The following RBFOX2 variants were observed in gnomAD, a reference collection of about 807,000 sequenced individuals.
RBFOX2 encodes RNA binding fox-1 homolog 2.
A neutral mutation model predicts 49.1 loss-of-function variants in RBFOX2; 10 were observed. The ratio of observed to expected loss-of-function variants is 0.20; its 90% CI spans 0.13 to 0.35. The LOEUF (loss-of-function observed/expected upper bound fraction) is 0.35, where lower values mean the gene tolerates loss of function less well. Among genes scored for constraint, RBFOX2 ranks in the 10% least tolerant of loss-of-function variants. RBFOX2 has a pLI of 1.00. For missense variants in RBFOX2, 323 were observed against 486.9 expected (o/e 0.66, Z 3.17); for synonymous variants, 183 against 187.4 (o/e 0.98, Z 0.19).
chr22:35,798,508 ATCTC>A (rs1949184553), intron 2 of RBFOX2, among the ~76,000 whole-genome samples: 1 of 152,228 alleles, frequency 6.6e-6, no homozygotes. Context: ...GTAATCTTGA[ATCTC>A]TCTAAGCCTC....
intron 1 of RBFOX2, among the ~76,000 whole-genome samples, chr22:35,901,854 G>A (rs1260659752): frequency 1.3e-5 from 2 of 152,148 alleles, no homozygotes; most frequent in African/African-American, 4.8e-5. Context: ...GGCTGAGGCA[G>A]GCGGATCACT....
intron 1 of RBFOX2, among the ~76,000 whole-genome samples, chr22:35,857,841 TA>T (rs1296329618): frequency 6.6e-6 from 1 of 152,058 alleles, no homozygotes; most frequent in Non-Finnish European, 1.5e-5. Flanking sequence ...AAACAGAGGA[TA>T]AAAAGATTAA....
At chr22:35,878,687 C>T (rs1476727597) in intron 1 of RBFOX2, among the ~76,000 whole-genome samples, 1 of 152,192 alleles carries the variant, frequency 6.6e-6, no homozygotes, top group Non-Finnish European at 1.5e-5. Flanking sequence ...GGAGTTCCTC[C>T]CACCTTGGCC....
intron 1 of RBFOX2, among the ~76,000 whole-genome samples, chr22:35,852,504 A>AG (rs1195333724): frequency 6.6e-6 from 1 of 151,962 alleles, no homozygotes; most frequent in African/African-American, 2.4e-5. Flanking sequence ...AAAAAAAAAA[A>AG]AGAATGTTTC....
chr22:35,889,710 T>C (rs2047020033), intron 1 of RBFOX2, among the ~76,000 whole-genome samples: 1 of 152,216 alleles, frequency 6.6e-6, no homozygotes, highest in Admixed American at 6.5e-5. Flanking sequence ...TATCACGGCA[T>C]CTGACCTTAA....
intron 1 of RBFOX2, chr22:35,898,007 C>A (rs2048076299): frequency 1.4e-6 from 1 of 731,438 alleles, no homozygotes; most frequent in Non-Finnish European, 2.5e-6. Flanking sequence ...GTTTCCCAGT[C>A]TCGTCCAACA....
At chr22:36,027,232 C>A (rs1280297360) in intron 1 of RBFOX2, among the ~76,000 whole-genome samples, 6 of 152,174 alleles carry the variant, frequency 3.9e-5, no homozygotes, top group Admixed American at 3.3e-4. Context: ...AGGTTAAGAA[C>A]CCCTGGAAAA....
At chr22:35,872,695 T>C (rs959672173) in intron 1 of RBFOX2, among the ~76,000 whole-genome samples, 1 of 152,214 alleles carries the variant, frequency 6.6e-6, no homozygotes, top group Non-Finnish European at 1.5e-5. Context: ...TTCTGCCGGC[T>C]TGCTCCCTTG....
intron 2 of RBFOX2, among the ~76,000 whole-genome samples, chr22:35,795,628 CAAAAAAAA>C (rs139555281): frequency 8.9e-5 from 3 of 33,570 alleles, no homozygotes; most frequent in East Asian, 2.8e-3. Flanking sequence ...TGTAGAAAAG[CAAAAAAAA>C]AAAAAAAAAA....
Position 35,904,611 on chromosome 22 carries a change from G to A in RBFOX2, c.-34+34236C>T, listed in dbSNP as rs937400573. 1.1e-4 allele frequency among the ~76,000 whole-genome samples: 17 copies of A among 152,234 alleles called. No individual in the cohort carries two copies. In the Middle Eastern group the frequency reaches 0.01, roughly 91 times the overall value. ...TGCTACACTGTGAAATAATCATAAC[G>A]TCAATATGAAAAGGCAGTTCCAATT... On this transcript the variant is annotated intron_variant, in intron 1 of 13. Transcript: ENST00000359369.
At chr22:36,015,634 GAAAGCTGTC>G (rs751656055) in intron 1 of RBFOX2, among the ~76,000 whole-genome samples, 1 of 152,208 alleles carries the variant, frequency 6.6e-6, no homozygotes, top group Non-Finnish European at 1.5e-5. Context: ...AACAGCAGGT[GAAAGCTGTC>G]AAAGCCACAT....
At chr22:35,760,045 A>G in intron 8 of RBFOX2, 25 bp from the exon 10 acceptor site, 1 of 1,613,052 alleles carries the variant, frequency 6.2e-7, no homozygotes, top group South Asian at 1.1e-5. Context: ...AAAATATGAC[A>G]GAAATTTCAA....
chr22:36,015,093 GA>G (rs952722087), intron 1 of RBFOX2, among the ~76,000 whole-genome samples: 17 of 152,308 alleles, frequency 1.1e-4, no homozygotes, highest in African/African-American at 3.8e-4. Flanking sequence ...CTAGCTAACA[GA>G]AAAATTAGTT....
chr22:35,852,582 C>T (rs2042067283), intron 1 of RBFOX2, among the ~76,000 whole-genome samples: 1 of 152,046 alleles, frequency 6.6e-6, no homozygotes, highest in African/African-American at 2.4e-5. Flanking sequence ...CTTCTTCCTC[C>T]CTGTACACTT....
intron 1 of RBFOX2, among the ~76,000 whole-genome samples, chr22:35,952,127 A>C (rs2055014009): frequency 1.3e-5 from 2 of 152,224 alleles, no homozygotes; most frequent in Admixed American, 6.5e-5. Context: ...CTCAGCACTA[A>C]GTCTGTAACA....
intron 5 of RBFOX2, among the ~76,000 whole-genome samples, chr22:35,767,318 T>A (rs1047889920): frequency 6.6e-6 from 1 of 152,232 alleles, no homozygotes; most frequent in Admixed American, 6.5e-5. Context: ...TTTAATTGTT[T>A]TGTAATTACA....
chr22:35,747,240 C>T (rs1397192697), intron 9 of RBFOX2: 2 of 151,992 alleles, frequency 1.3e-5, no homozygotes, highest in Non-Finnish European at 2.9e-5. Context: ...TGGCCCTTTA[C>T]GGAAAGTTTG....
intron 1 of RBFOX2, among the ~76,000 whole-genome samples, chr22:35,883,608 CT>C (rs974356667): frequency 1.3e-4 from 20 of 152,318 alleles, no homozygotes; most frequent in African/African-American, 4.8e-4. Flanking sequence ...GTTCTGGCTC[CT>C]TTTTTAACAG....
At chr22:35,788,542 G>A (rs1256003369) in intron 2 of RBFOX2, among the ~76,000 whole-genome samples, 1 of 152,060 alleles carries the variant, frequency 6.6e-6, no homozygotes, top group Non-Finnish European at 1.5e-5. Context: ...AACCATCCCA[G>A]TTTAATGATA....
Sources: gnomAD v4.1 joint callset for allele counts (sites outside exome capture counted in the v4.1 genomes callset) on GRCh38, gnomAD v4.1.1 for gene constraint, MANE v1.5 for transcripts, NCBI Gene and HGNC (gene_info 2026-07-23, HGNC 2026-07-21) for gene names.